CANX: variants seen among roughly 807,000 people sequenced by gnomAD.
The protein encoded by CANX is epididymis secretory sperm binding protein.
A neutral mutation model predicts 75.7 loss-of-function variants in CANX; 14 were observed. The observed-to-expected ratio is 0.19, with a 90% CI of 0.12 to 0.29. The LOEUF is 0.29. Ranked by LOEUF, CANX falls within the 10% of genes least tolerant of loss-of-function variation. CANX has a pLI of 1.00. For synonymous variants in CANX, 227 were observed against 236.9 expected (o/e 0.96, Z 0.38); for missense variants, 567 against 713.2 (o/e 0.79, Z 2.34).
intron 1 of CANX, among the ~76,000 whole-genome samples, chr5:179,703,861 G>C (rs896110453): frequency 6.6e-6 from 1 of 152,100 alleles, no homozygotes; most frequent in Non-Finnish European, 1.5e-5. Flanking sequence ...AGGATAGCTT[G>C]AAAGAGGAGG....
At chr5:179,710,149 A>G (rs1777438769) in intron 7 of CANX, 84 bp downstream of exon 7, 2 of 832,402 alleles carry the variant, frequency 2.4e-6, no homozygotes, top group East Asian at 2.7e-5. Context: ...CTGGCCGGGC[A>G]CTGTGGCTCA....
upstream of CANX, chr5:179,698,665 A>G (rs948799539): frequency 1.0e-5 from 12 of 1,151,348 alleles, no homozygotes; most frequent in African/African-American, 1.6e-4. Flanking sequence ...CGACGCGGGA[A>G]CGCCTGTTAA....
intron 1 of CANX, among the ~76,000 whole-genome samples, chr5:179,693,145 CAAAAAAA>C (rs766961125): frequency 1.1e-5 from 1 of 93,004 alleles, no homozygotes; most frequent in Non-Finnish European, 1.9e-5. Flanking sequence ...AACTCCGTCT[CAAAAAAA>C]AAAAAAAAAA....
Position 179,708,363 on chromosome 5 carries a change from C to T in CANX, c.429C>T (p.Thr143=), listed in dbSNP as rs746695577. Residue 143 remains threonine (T), a synonymous_variant, in exon 5 of 15, where the codon ACC becomes ACT. Coordinates refer to ENST00000247461, the MANE Select transcript of CANX (RefSeq NM_001746.4). ...AKLNKPFLFD[T]KPLIVQYEVN... is the part of the protein sequence containing the mutation. ...TGAACAAGCCCTTCCTGTTTGACAC[C>T]AAGCCTCTCATTGTTCAGTAAGTGA... 2 of 1,613,076 alleles carry T rather than the reference C, an allele frequency of 1.2e-6. No homozygotes were observed. The highest frequency in any genetic ancestry group is 1.1e-5 in the South Asian group (1 of 91,028).
intron 1 of CANX, among the ~76,000 whole-genome samples, chr5:179,686,402 T>A (rs1164387349): frequency 6.9e-6 from 1 of 145,486 alleles, no homozygotes; most frequent in Non-Finnish European, 1.5e-5. Context: ...CCGGCCATCT[T>A]TTTTTTTTTT....
chr5:179,712,120 T>G (rs1295281690), intron 7 of CANX, among the ~76,000 whole-genome samples: 17 of 148,232 alleles, frequency 1.1e-4, no homozygotes, highest in Middle Eastern at 3.5e-3. Flanking sequence ...AAAAGGTGTT[T>G]TTTTTTTTTT....
Position 179,723,680 on chromosome 5 carries a change from G to A in CANX, c.1419G>A (p.Met473Ile). 1.2e-6 allele frequency: 2 copies of A among 1,613,778 alleles called. No individual in the cohort carries two copies. The highest frequency in any genetic ancestry group is 1.7e-6 in the Non-Finnish European group (2 of 1,179,902). The change falls in exon 12 of 15, where the codon ATG becomes ATA. Residue 473 changes from methionine to isoleucine, a missense_variant. Transcript: ENST00000247461. ...TTCAGCCAGGCGTTGTGGGGCAGAT[G>A]ATCGAGGCAGCTGAAGAGCGCCCGT... Reference protein sequence around the residue: ...GAAEPGVVGQMIEAAEERPWL... With the variant: ...GAAEPGVVGQIIEAAEERPWL...
chr5:179,682,754 G>T (rs1338758589), intron 1 of CANX, among the ~76,000 whole-genome samples: 1 of 146,638 alleles, frequency 6.8e-6, no homozygotes, highest in East Asian at 2.0e-4. Flanking sequence ...GTACAGTGAA[G>T]AAAACAAACC....
At position 179,684,926 on chromosome 5, in the gene CANX, ATTTTTTTTTTTTTTTTTT is replaced by A. The variant is rs71001039; in HGVS notation, c.-4+6162_-4+6179del. On this transcript the variant is annotated intron_variant, in intron 1 of 14. Coordinates refer to the CANX transcript ENST00000681674. ...TGCCACCACACCTGGCTAATTTTGT[ATTTTTTTTTTTTTTTTTT>A]TTTTTTTTTTTTACTAGAGACAGGG... Among the ~76,000 whole-genome samples the A allele has an allele frequency of 1.4e-4, 7 of 49,138 alleles. 1 individual carries two copies. The Admixed American group carries it at 2.3e-3, about 16-fold the overall frequency. The allele number at this position is 49,138 out of a possible 152,430, so 32.2% of individuals were successfully genotyped here.
intron 1 of CANX, among the ~76,000 whole-genome samples, chr5:179,682,477 G>A (rs559313753): frequency 1.1e-4 from 17 of 152,164 alleles, no homozygotes; most frequent in African/African-American, 3.6e-4. Context: ...TTGGGAGGCC[G>A]AGGCAGGCAA....
intron 1 of CANX, among the ~76,000 whole-genome samples, chr5:179,703,277 G>A (rs1315910777): frequency 4.0e-5 from 6 of 151,012 alleles, no homozygotes; most frequent in African/African-American, 1.5e-4. Context: ...GAGTGCAGTG[G>A]CGCCATCTCG....
chr5:179,720,551 C>T lies in CANX; in HGVS notation c.1173C>T (p.Pro391=), dbSNP rs773349074. The change falls in exon 10 of 15, where the codon CCC becomes CCT. Residue 391 remains proline, a synonymous_variant. Transcript: ENST00000247461. ...GGAAGCCTCCTATGATTGACAATCCCAGTTACCAGGTTTGTGCCTCTTGAT... is the reference window on the plus strand; with the variant it reads ...GGAAGCCTCCTATGATTGACAATCCTAGTTACCAGGTTTGTGCCTCTTGAT... ...GKWKPPMIDN[P]SYQGIWKPRK... is the part of the protein sequence containing the mutation. 3.1e-6 allele frequency: 5 copies of T among 1,613,646 alleles called. No individual in the cohort carries two copies. Among genetic ancestry groups the T allele is most frequent in the African/African-American group, 2.7e-5 (2 of 74,894 alleles).
intron 13 of CANX, among the ~76,000 whole-genome samples, chr5:179,725,845 A>G (rs1458271233): frequency 8.3e-5 from 12 of 144,042 alleles, no homozygotes; most frequent in South Asian, 2.2e-4. Context: ...AAAGTTAGCC[A>G]GGCATGGTGG....
chr5:179,682,938 G>A (rs1170164480), intron 1 of CANX, among the ~76,000 whole-genome samples: 3 of 152,238 alleles, frequency 2.0e-5, no homozygotes, highest in South Asian at 2.1e-4. Flanking sequence ...TGAAGGACAC[G>A]TGCCACGTGT....
intron 1 of CANX, among the ~76,000 whole-genome samples, chr5:179,704,940 T>C (rs943478693): frequency 9.2e-5 from 14 of 152,182 alleles, no homozygotes; most frequent in Admixed American, 5.2e-4. Flanking sequence ...CTATTGATGA[T>C]ATTTGAGCAA....
chr5:179,691,151 G>A (rs113341439), intron 1 of CANX, among the ~76,000 whole-genome samples: 17,577 of 151,538 alleles, frequency 0.12, 1,232 homozygotes, highest in East Asian at 0.27. Context: ...TCAGCCTCCC[G>A]AGTAGCTGGG....
At chr5:179,715,579 T>TA (rs1777885917) in intron 7 of CANX, among the ~76,000 whole-genome samples, 1 of 152,308 alleles carries the variant, frequency 6.6e-6, no homozygotes, top group African/African-American at 2.4e-5. Context: ...TTTATGGATT[T>TA]AAAATTGTTT....
Position 179,716,091 on chromosome 5 carries a change from A to T in CANX, c.722-14A>T. 6.4e-7 allele frequency: 1 copy of T among 1,561,660 alleles called. No homozygotes were observed. The highest frequency in any genetic ancestry group is 8.8e-7 in the Non-Finnish European group (1 of 1,133,456). ...AAATTAAGTACTTTTAATTCCATTTAATGTTTCTTTCAGTCTTGAATCCAG... is the reference window on the plus strand; with the variant it reads ...AAATTAAGTACTTTTAATTCCATTTTATGTTTCTTTCAGTCTTGAATCCAG... On this transcript the variant is annotated splice_polypyrimidine_tract_variant and intron_variant, in intron 7 of 14. Transcript: ENST00000247461.
upstream of CANX, chr5:179,694,173 A>C: frequency 3.9e-6 from 1 of 258,328 alleles, no homozygotes; most frequent in East Asian, 6.7e-5. Flanking sequence ...AAAAAAAGGA[A>C]TGAGAGCGAA....
Sources: gnomAD v4.1 joint callset for allele counts (sites outside exome capture counted in the v4.1 genomes callset) on GRCh38, gnomAD v4.1.1 for gene constraint, MANE v1.5 for transcripts, NCBI Gene and HGNC (gene_info 2026-07-23, HGNC 2026-07-21) for gene names.